Variants in ANKMY1 observed in about 807,000 individuals in gnomAD.
ANKMY1 encodes the protein ankyrin repeat and MYND domain containing 1.
In ANKMY1, 98 loss-of-function variants were observed where a neutral mutation model predicts 102.0. The ratio of observed to expected loss-of-function variants is 0.96; its 90% CI spans 0.82 to 1.14. The LOEUF (loss-of-function observed/expected upper bound fraction) is 1.14, where lower values mean the gene tolerates loss of function less well. Among genes scored for constraint, ANKMY1 ranks in the 50% most tolerant of loss-of-function variants. The pLI, the probability that ANKMY1 is intolerant of heterozygous loss-of-function variation, is 0.00. For missense variants in ANKMY1, 1,330 were observed against 1,347.6 expected (o/e 0.99, Z 0.20); for synonymous variants, 582 against 559.9 (o/e 1.04, Z -0.56).
intron 17 of ANKMY1, among the ~76,000 whole-genome samples, chr2:240,480,509 T>C (rs917056538): frequency 5.3e-4 from 80 of 152,180 alleles, no homozygotes; most frequent in African/African-American, 1.9e-3. Flanking sequence ...GACGGCAGGC[T>C]GGGAGGAAAT....
At position 240,499,816 on chromosome 2, in the gene ANKMY1, A is replaced by C; in HGVS notation, c.2806+142T>G. The C allele has an allele frequency of 9.0e-7, 1 of 1,111,892 alleles. No homozygotes were observed. The highest frequency in any genetic ancestry group is 2.6e-5 in the East Asian group (1 of 38,300). 68.9% of individuals were successfully genotyped at this position (1,111,892 alleles called of 1,614,324 possible). On this transcript the variant is annotated intron_variant, in intron 15 of 17. Transcript: ENST00000401804. The surrounding 1 kb of genome is among the most constrained non-coding windows in gnomAD (Gnocchi z 4.2). ...ACGAGCTCCTTGGACGACGGGACAC[A>C]AAGGGGACAAGCCGACGAGCCCAGC...
At position 240,526,414 on chromosome 2, in the gene ANKMY1, C is replaced by T. The variant is rs778403571; in HGVS notation, c.985G>A (p.Gly329Ser). The change falls in exon 6 of 18, where the codon GGC becomes AGC. Residue 329 changes from glycine (G) to serine (S), a missense_variant. Coordinates refer to ENST00000401804, the MANE Select transcript of ANKMY1 (RefSeq NM_001282771.3). ...NKPAHTSWNMGAILEGKRSGF... is the reference protein window; with the variant it reads ...NKPAHTSWNMSAILEGKRSGF... ...CTGCGCTTCCCCTCCAGGATGGCGC[C>T]CATGTTCCAGCTGGTGTGAGCTGGC... The T allele has an allele frequency of 1.9e-5, 30 of 1,614,022 alleles. No homozygotes were observed. The highest frequency in any genetic ancestry group is 2.5e-5 in the Non-Finnish European group (30 of 1,180,030).
upstream of ANKMY1, chr2:240,560,556 C>G: frequency 7.9e-7 from 1 of 1,267,136 alleles, no homozygotes; most frequent in Non-Finnish European, 1.0e-6. Flanking sequence ...GCCTGGTCCA[C>G]CTCGGAGGCC....
At chr2:240,500,715 G>C in intron 13 of ANKMY1, 150 bp from the exon 14 acceptor site, 1 of 634,262 alleles carries the variant, frequency 1.6e-6, no homozygotes, top group Non-Finnish European at 2.8e-6. Context: ...CAAACGGGGA[G>C]AGGGAGATGG....
intron 15 of ANKMY1, among the ~76,000 whole-genome samples, chr2:240,495,682 C>T (rs11681793): frequency 0.48 from 72,794 of 151,784 alleles, 18,401 homozygotes; most frequent in East Asian, 0.75. Flanking sequence ...GGGATGCTAC[C>T]GGTCTCTACG....
chr2:240,546,192 TG>T, intron 4 of ANKMY1, among the ~76,000 whole-genome samples: 1 of 151,822 alleles, frequency 6.6e-6, no homozygotes, highest in South Asian at 2.1e-4. Context: ...CAGAAGAGAG[TG>T]GGGGCCAATA....
chr2:240,551,255 G>A (rs2091473142), intron 4 of ANKMY1, among the ~76,000 whole-genome samples: 1 of 151,478 alleles, frequency 6.6e-6, no homozygotes. Context: ...TACTTTAAGT[G>A]TACTGAGTAG....
chr2:240,515,346 C>G (rs1434285028), intron 9 of ANKMY1, among the ~76,000 whole-genome samples: 6 of 152,032 alleles, frequency 3.9e-5, no homozygotes, highest in Non-Finnish European at 7.4e-5. Flanking sequence ...ACCAGCCTGG[C>G]CAACATGGTG....
Position 240,501,831 on chromosome 2 carries a change from G to C in ANKMY1, c.2527-1266C>G, listed in dbSNP as rs557308762. ...GTTTATACAGATTCCTCAAGGCCAA[G>C]TGAGGCCAGGCAAGGCCTACGCCAG... On this transcript the variant is annotated intron_variant, in intron 13 of 17. Transcript: ENST00000401804. Among the ~76,000 whole-genome samples the C allele has an allele frequency of 2.4e-4, 36 of 152,336 alleles. 1 individual carries two copies. In the South Asian group the frequency reaches 6.6e-3, roughly 28 times the overall value.
chr2:240,511,258 C>G (rs982393040), intron 11 of ANKMY1, among the ~76,000 whole-genome samples: 3 of 152,216 alleles, frequency 2.0e-5, no homozygotes, highest in Non-Finnish European at 4.4e-5. Context: ...GGCCCAGGAT[C>G]ATTAATTTCA....
chr2:240,525,934 G>A, intron 6 of ANKMY1, 85 bp from the exon 7 acceptor site: 1 of 1,488,296 alleles, frequency 6.7e-7, no homozygotes, highest in Non-Finnish European at 9.2e-7. Context: ...ATGCCCTCAT[G>A]AGGCCACCCT....
intron 13 of ANKMY1, among the ~76,000 whole-genome samples, chr2:240,505,962 A>T (rs1254342383): frequency 6.6e-6 from 1 of 152,156 alleles, no homozygotes; most frequent in Non-Finnish European, 1.5e-5. Context: ...CCCCTTCCTA[A>T]ATATCCAGTG....
Position 240,529,336 on chromosome 2 carries a change from A to G in ANKMY1, c.654T>C (p.Pro218=), listed in dbSNP as rs935465740. 2.5e-6 allele frequency: 4 copies of G among 1,614,062 alleles called. No homozygotes were observed. The East Asian group carries it at 8.9e-5, about 36-fold the overall frequency. Residue 218 remains proline (P), a synonymous_variant, in exon 5 of 18, where the codon CCT becomes CCC. Coordinates refer to ENST00000401804, the MANE Select transcript of ANKMY1 (RefSeq NM_001282771.3). The surrounding 1 kb of genome is among the most constrained non-coding windows in gnomAD (Gnocchi z 4.2). ...PEFSSFITHS[P]ARISLSEEEK... ...CCTCTTCTGAGAGGCTGATCCTGGC[A>G]GGGCTGTGGGTGATGAAGCTGGAGA...
chr2:240,470,319 G>A, the ANKMY1 span, among the ~76,000 whole-genome samples: 1 of 152,206 alleles, frequency 6.6e-6, no homozygotes, highest in African/African-American at 2.4e-5. Context: ...GAAGTGGGTA[G>A]AGTCTAGGGA....
At position 240,511,753 on chromosome 2, in the gene ANKMY1, T is replaced by C. The variant is rs144152606; in HGVS notation, c.2286+108A>G. On this transcript the variant is annotated intron_variant, in intron 11 of 17. Transcript: ENST00000401804. ...CCATCCTTCCAAGCTCCCTGGCTTCTGCCTAAGACTCAGCATGAGAACACA... is the reference window on the plus strand; with the variant it reads ...CCATCCTTCCAAGCTCCCTGGCTTCCGCCTAAGACTCAGCATGAGAACACA... 665 of 1,368,836 alleles carry C rather than the reference T, an allele frequency of 4.9e-4. 1 individual carries two copies. In the African/African-American group the frequency reaches 8.7e-3, roughly 18 times the overall value. 84.8% of individuals were successfully genotyped at this position (1,368,836 alleles called of 1,614,324 possible).
chr2:240,537,773 G>A (rs980165387), intron 4 of ANKMY1, among the ~76,000 whole-genome samples: 2 of 152,214 alleles, frequency 1.3e-5, no homozygotes, highest in African/African-American at 4.8e-5. Context: ...TCTTCTGCAC[G>A]CTGTAAACCA....
At chr2:240,527,619 T>G (rs2083972841) in intron 5 of ANKMY1, 1 of 147,062 alleles carries the variant, frequency 6.8e-6, no homozygotes, top group South Asian at 2.2e-4. Flanking sequence ...AAATGGATGT[T>G]AAGTGGGTGG....
At position 240,499,833 on chromosome 2, in the gene ANKMY1, G is replaced by A. The variant is rs775774263; in HGVS notation, c.2806+125C>T. ...CGGGACACAAAGGGGACAAGCCGAC[G>A]AGCCCAGCCCCAGGAAGGCCCCTCC... On this transcript the variant is annotated intron_variant, in intron 15 of 17. Transcript: ENST00000401804. This position sits in a 1 kb window ranked among gnomAD's most constrained non-coding sequence, Gnocchi z 4.2. The A allele has an allele frequency of 1.1e-4, 146 of 1,272,122 alleles. No homozygotes were observed. The highest frequency in any genetic ancestry group is 2.3e-4 in the Admixed American group (8 of 35,448). The allele number at this position is 1,272,122 out of a possible 1,614,324, so 78.8% of individuals were successfully genotyped here. A position where few individuals can be genotyped will look rare whatever the true frequency, so the allele number is the denominator to read the frequency against.
At position 240,557,318 on chromosome 2, in the gene ANKMY1, G is replaced by A. The variant is rs144867069; in HGVS notation, c.18C>T (p.Ala6=). Residue 6 remains alanine (A), a synonymous_variant, in exon 2 of 18, where the codon GCC becomes GCT. Transcript: ENST00000401804. The stretch of plus-strand genomic sequence containing the variant: ...AGACTTCGTCCTCTAAGCTAAGGGA[G>A]GCATGGGCCCCTTCCATGTCTGTGG... MEGAH[A]SLSLEDEVSG... 524 of 1,577,786 alleles carry A rather than the reference G, an allele frequency of 3.3e-4. 1 individual carries two copies. The highest frequency in any genetic ancestry group is 2.7e-3 in the Middle Eastern group (16 of 5,968).
Sources: gnomAD v4.1 joint callset for allele counts (sites outside exome capture counted in the v4.1 genomes callset) on GRCh38, gnomAD v4.1.1 for gene constraint, Gnocchi (gnomAD v3.1) non-coding constraint, MANE v1.5 for transcripts, NCBI Gene and HGNC (gene_info 2026-07-23, HGNC 2026-07-21) for gene names.